Variants in PIK3CD observed in about 807,000 individuals in gnomAD.
PIK3CD encodes phosphatidylinositol 4,5-bisphosphate 3-kinase catalytic subunit delta isoform.
In PIK3CD, 20 loss-of-function variants were observed where a neutral mutation model predicts 122.9. The observed-to-expected ratio is 0.16, with a 90% CI of 0.11 to 0.24. PIK3CD has a LOEUF of 0.24. Among genes scored for constraint, PIK3CD ranks in the 10% least tolerant of loss-of-function variants. The probability of loss-of-function intolerance (pLI) is 1.00; values close to 1 mark genes in which losing one functional copy is unlikely to be tolerated. For missense variants in PIK3CD, 787 were observed against 1,406.3 expected (o/e 0.56, Z 7.04); for synonymous variants, 596 against 593.4 (o/e 1.00, Z -0.06).
the PIK3CD span, among the ~76,000 whole-genome samples, chr1:9,640,344 C>T: frequency 6.6e-6 from 1 of 152,036 alleles, no homozygotes; most frequent in Admixed American, 6.6e-5. Context: ...CTTTGGGAGG[C>T]CAAGGCAGGT....
At chr1:9,654,577 C>T in intron 1 of PIK3CD, 1 of 408,698 alleles carries the variant, frequency 2.4e-6, no homozygotes, top group Non-Finnish European at 4.6e-6. Context: ...TCTTGTTTTA[C>T]TTAAATTGCA....
Position 9,715,402 on chromosome 1 carries a change from G to A in PIK3CD, c.142-139G>A, listed in dbSNP as rs72633866. 0.15 allele frequency: 102,991 copies of A among 705,482 alleles called. 10,352 individuals carry two copies. The highest frequency in any genetic ancestry group is 0.37 in the South Asian group (22,656 of 61,464). 43.7% of individuals were successfully genotyped at this position (705,482 alleles called of 1,614,324 possible). On this transcript the variant is annotated intron_variant, in intron 3 of 23. Transcript: ENST00000377346. The surrounding 1 kb of genome is among the most constrained non-coding windows in gnomAD (Gnocchi z 4.1). The stretch of plus-strand genomic sequence containing the variant: ...GTCAGCACCCAGGGGGCTGCAGAGA[G>A]TGCAGATCTTGGGGTCTGCCTCTGC...
chr1:9,657,751 T>G (rs1044632168), intron 1 of PIK3CD, among the ~76,000 whole-genome samples: 8 of 152,086 alleles, frequency 5.3e-5, no homozygotes, highest in African/African-American at 1.9e-4. Flanking sequence ...CCCTCACATT[T>G]TGAAATTTCA....
intron 1 of PIK3CD, among the ~76,000 whole-genome samples, chr1:9,669,070 G>T (rs1645245834): frequency 6.6e-6 from 1 of 152,318 alleles, no homozygotes; most frequent in South Asian, 2.1e-4. Flanking sequence ...CAGCCAGGTG[G>T]ATTCCTCAGG....
chr1:9,645,928 TTTTTTA>T, the PIK3CD span, among the ~76,000 whole-genome samples: 3 of 151,518 alleles, frequency 2.0e-5, no homozygotes, highest in African/African-American at 7.3e-5. Context: ...TATTTTTTAT[TTTTTTA>T]TTTTTATTTT....
At chr1:9,650,112 A>G (rs1485274891), upstream of PIK3CD, among the ~76,000 whole-genome samples, 13 of 143,222 alleles carry the variant, frequency 9.1e-5, no homozygotes, top group Non-Finnish European at 1.5e-5. Flanking sequence ...AAGGGACAGG[A>G]AACATTCCTT....
intron 1 of PIK3CD, among the ~76,000 whole-genome samples, chr1:9,680,447 TA>T (rs559551940): frequency 0.049 from 7,216 of 146,410 alleles, 510 homozygotes; most frequent in African/African-American, 0.17. Context: ...CTGTCTCTAT[TA>T]AAAAAAAAAA....
At chr1:9,713,534 T>C (rs1014809677) in intron 3 of PIK3CD, among the ~76,000 whole-genome samples, 1 of 152,230 alleles carries the variant, frequency 6.6e-6, no homozygotes, top group African/African-American at 2.4e-5. Flanking sequence ...TTCATATCTT[T>C]TTTTCTGAGT....
chr1:9,676,181 T>G (rs1645530552), intron 1 of PIK3CD, among the ~76,000 whole-genome samples: 2 of 152,086 alleles, frequency 1.3e-5, no homozygotes, highest in African/African-American at 4.8e-5. Flanking sequence ...CCACCTGCCT[T>G]GGCATCCCAA....
intron 1 of PIK3CD, chr1:9,654,712 C>G (rs1644792341): frequency 2.9e-6 from 1 of 344,146 alleles, no homozygotes; most frequent in African/African-American, 2.2e-5. Context: ...CGGTGTGGGC[C>G]TGATGGTGGG....
intron 1 of PIK3CD, among the ~76,000 whole-genome samples, chr1:9,667,647 A>T (rs747479741): frequency 4.6e-5 from 7 of 152,034 alleles, no homozygotes; most frequent in Non-Finnish European, 7.4e-5. Context: ...AAGTGCTAGG[A>T]TTACAGGCGT....
At chr1:9,714,415 G>C (rs1227261737) in intron 3 of PIK3CD, among the ~76,000 whole-genome samples, 1 of 152,156 alleles carries the variant, frequency 6.6e-6, no homozygotes, top group South Asian at 2.1e-4. Flanking sequence ...GGCTTTTTGG[G>C]GTTAACCAGG....
At chr1:9,685,823 C>T (rs889537846) in intron 1 of PIK3CD, among the ~76,000 whole-genome samples, 2 of 152,194 alleles carry the variant, frequency 1.3e-5, no homozygotes, top group Admixed American at 1.3e-4. Flanking sequence ...CTGTGAGTAG[C>T]TGCAACTACA....
chr1:9,720,553 G>A lies in PIK3CD; in HGVS notation c.1471-58G>A. ...TTGGGGTGGCAATGCCCGGCCTGGGGGTCCTGCCCGGGCTGGTCCAGGCCC... is the reference window on the plus strand; with the variant it reads ...TTGGGGTGGCAATGCCCGGCCTGGGAGTCCTGCCCGGGCTGGTCCAGGCCC... On this transcript the variant is annotated intron_variant, in intron 11 of 23. Transcript: ENST00000377346. This position sits in a 1 kb window ranked among gnomAD's most constrained non-coding sequence, Gnocchi z 9.0. 1 of 1,548,122 alleles carries A rather than the reference G, an allele frequency of 6.5e-7. No individual in the cohort carries two copies. Among genetic ancestry groups the A allele is most frequent in the Non-Finnish European group, 8.7e-7 (1 of 1,145,542 alleles).
At chr1:9,711,682 C>G (rs1156952262) in intron 3 of PIK3CD, among the ~76,000 whole-genome samples, 1 of 152,018 alleles carries the variant, frequency 6.6e-6, no homozygotes, top group Non-Finnish European at 1.5e-5. Flanking sequence ...TTAGGTGAGC[C>G]TCTTACCTCA....
rs568369699 is a variant in PIK3CD at position 9,669,862 on chromosome 1, C to T, written c.-138+18060C>T. Among the ~76,000 whole-genome samples, 105 of 152,156 alleles carry T rather than the reference C, an allele frequency of 6.9e-4. 1 individual carries two copies. In the Middle Eastern group the frequency reaches 0.017, roughly 25 times the overall value. On this transcript the variant is annotated intron_variant, in intron 1 of 23. Coordinates refer to ENST00000377346, the MANE Select transcript of PIK3CD (RefSeq NM_005026.5). ...AACCTCAACTTTCTCGTTACACATC[C>T]TTCTAAAAAAGTCCATTAAAAATGT...
chr1:9,676,199 G>A (rs1645531022), intron 1 of PIK3CD, among the ~76,000 whole-genome samples: 1 of 151,848 alleles, frequency 6.6e-6, no homozygotes, highest in African/African-American at 2.4e-5. Flanking sequence ...CAAAGTGCTG[G>A]GATTAGAGGT....
chr1:9,654,633 T>G (rs1236672876), intron 1 of PIK3CD: 1 of 362,306 alleles, frequency 2.8e-6, no homozygotes, highest in East Asian at 7.4e-5. Context: ...GCAATTCCCC[T>G]TTGGCTGGGT....
At chr1:9,695,399 A>T (rs1424726714) in intron 2 of PIK3CD, among the ~76,000 whole-genome samples, 1 of 152,192 alleles carries the variant, frequency 6.6e-6, no homozygotes, top group Non-Finnish European at 1.5e-5. Flanking sequence ...ACCCAATACC[A>T]TGAATAATAA....
Sources: allele counts gnomAD v4.1 joint callset (sites outside exome capture counted in the v4.1 genomes callset), GRCh38; gene constraint gnomAD v4.1.1; non-coding constraint Gnocchi (gnomAD v3.1); transcripts MANE v1.5; gene names NCBI Gene and HGNC (gene_info 2026-07-23, HGNC 2026-07-21).